SPAST: variants seen among roughly 807,000 people sequenced by gnomAD.
SPAST encodes the protein spastic paraplegia 4 (autosomal dominant; spastin).
In SPAST, 30 loss-of-function variants were observed where a neutral mutation model predicts 76.6. The ratio of observed to expected loss-of-function variants is 0.39; its 90% CI spans 0.29 to 0.53. SPAST has a LOEUF of 0.53. SPAST is among the 20% of genes least tolerant of loss of function. The pLI is 0.68. For synonymous variants in SPAST, 305 were observed against 281.0 expected (o/e 1.09, Z -0.86); for missense variants, 717 against 770.5 (o/e 0.93, Z 0.82).
chr2:32,122,177 G>A (rs576420356), intron 7 of SPAST, among the ~76,000 whole-genome samples: 14 of 151,948 alleles, frequency 9.2e-5, no homozygotes, highest in Non-Finnish European at 1.6e-4. Context: ...TTTTTTCTGG[G>A]GTTATTTGGC....
intron 1 of SPAST, 22 bp from the exon 2 acceptor site, chr2:32,087,470 C>A: frequency 1.4e-6 from 2 of 1,455,486 alleles, no homozygotes; most frequent in Non-Finnish European, 1.9e-6. Context: ...ACGATCTATA[C>A]AAATAATTTT....
At chr2:32,099,327 A>G (rs1678033655) in intron 4 of SPAST, among the ~76,000 whole-genome samples, 1 of 152,174 alleles carries the variant, frequency 6.6e-6, no homozygotes, top group South Asian at 2.1e-4. Flanking sequence ...GTCTTATAGT[A>G]CTTGATAGAA....
intron 9 of SPAST, among the ~76,000 whole-genome samples, 153 bp from the exon 10 acceptor site, chr2:32,136,410 G>A (rs572877778): frequency 7.8e-6 from 1 of 128,770 alleles, no homozygotes; most frequent in African/African-American, 2.9e-5. Flanking sequence ...TGTAAGGGAC[G>A]GTTAGTAGTA....
chr2:32,070,111 G>A lies in SPAST; in HGVS notation c.415+5865G>A, dbSNP rs1282941880. On this transcript the variant is annotated intron_variant, in intron 1 of 16. Transcript: ENST00000315285. ...AATGGAGTCTTGCTCTGTCACCCAC[G>A]CTGGAGTGCAGTGGCGCAATCTCGG... is the stretch of plus-strand genomic sequence containing the variant. Among the ~76,000 whole-genome samples, 4 of 145,418 alleles carry A rather than the reference G, an allele frequency of 2.8e-5. No homozygotes were observed. In the East Asian group the frequency reaches 6.0e-4, roughly 22 times the overall value.
intron 3 of SPAST, among the ~76,000 whole-genome samples, chr2:32,092,510 G>C (rs1677762145): frequency 6.6e-6 from 1 of 152,126 alleles, no homozygotes. Context: ...ATATCAATTA[G>C]AGACTCATCT....
intron 9 of SPAST, among the ~76,000 whole-genome samples, chr2:32,135,994 C>T (rs1035155616): frequency 2.6e-5 from 4 of 151,028 alleles, no homozygotes; most frequent in Admixed American, 6.6e-5. Context: ...ATGAGAATCA[C>T]TTGAACCCAG....
intron 7 of SPAST, among the ~76,000 whole-genome samples, chr2:32,123,129 G>A (rs1679071956): frequency 1.3e-5 from 2 of 152,044 alleles, no homozygotes; most frequent in South Asian, 4.1e-4. Context: ...GGGCATGGTG[G>A]CGGGTGCCTG....
At chr2:32,142,595 T>C (rs1162677789) in intron 13 of SPAST, among the ~76,000 whole-genome samples, 2 of 152,022 alleles carry the variant, frequency 1.3e-5, no homozygotes, top group South Asian at 2.1e-4. Flanking sequence ...TTTGTGTTTT[T>C]AGTAGAGACG....
At chr2:32,112,462 C>T (rs1558321853) in intron 4 of SPAST, among the ~76,000 whole-genome samples, 1 of 151,720 alleles carries the variant, frequency 6.6e-6, no homozygotes, top group African/African-American at 2.4e-5. Flanking sequence ...ATTCTCCTGC[C>T]TCAGCCTCCT....
Position 32,156,460 on chromosome 2 carries a change from A to G in SPAST, c.*1964A>G, listed in dbSNP as rs1680255578. ...ATGAGAGTTGAGATAAATAGGGGAA[A>G]AAAAATTTTTTTCAAGCCAGAGCTA... On this transcript the variant is annotated 3_prime_UTR_variant, in exon 17 of 17. Transcript: ENST00000315285. 2 of 152,228 alleles carry G rather than the reference A, an allele frequency of 1.3e-5. No homozygotes were observed. Among genetic ancestry groups the G allele is most frequent in the Non-Finnish European group, 2.9e-5 (2 of 68,042 alleles). The allele number at this position is 152,228 out of a possible 1,614,324, so 9.4% of individuals were successfully genotyped here. A position where few individuals can be genotyped will look rare whatever the true frequency, so the allele number is the denominator to read the frequency against.
chr2:32,131,348 A>G (rs1392305389), intron 9 of SPAST, among the ~76,000 whole-genome samples: 1 of 152,142 alleles, frequency 6.6e-6, no homozygotes, highest in African/African-American at 2.4e-5. Context: ...TGGAGTTGCA[A>G]TTCATATTCA....
At chr2:32,085,205 CTTTTTTTT>C (rs11399879) in intron 1 of SPAST, among the ~76,000 whole-genome samples, 4 of 119,786 alleles carry the variant, frequency 3.3e-5, no homozygotes, top group Non-Finnish European at 6.8e-5. Context: ...TCTTCTTCTT[CTTTTTTTT>C]TTTTTTTTTT....
At chr2:32,108,310 T>C (rs1254965103) in intron 4 of SPAST, among the ~76,000 whole-genome samples, 1 of 152,166 alleles carries the variant, frequency 6.6e-6, no homozygotes, top group Admixed American at 6.5e-5. Flanking sequence ...TTCAGTGACT[T>C]TGAATGCAGG....
intron 1 of SPAST, among the ~76,000 whole-genome samples, chr2:32,082,181 T>C (rs1279904482): frequency 1.3e-5 from 2 of 150,782 alleles, no homozygotes; most frequent in Non-Finnish European, 3.0e-5. Context: ...TTAGTAGAGA[T>C]TGGGTTTCAT....
intron 1 of SPAST, among the ~76,000 whole-genome samples, chr2:32,082,611 G>A (rs58505717): frequency 6.6e-6 from 1 of 152,054 alleles, no homozygotes; most frequent in Non-Finnish European, 1.5e-5. Flanking sequence ...CAGAAGAATT[G>A]CTTGAACCTG....
chr2:32,087,618 A>G (rs376758740), intron 2 of SPAST, 40 bp downstream of exon 2: 114 of 943,904 alleles, frequency 1.2e-4, no homozygotes, highest in Non-Finnish European at 1.3e-4. Flanking sequence ...AAATTATGAT[A>G]TATTCACATG....
Position 32,064,214 on chromosome 2 carries a change from C to T in SPAST, c.383C>T (p.Ser128Phe). The change falls in exon 1 of 17, where the codon TCC (serine) becomes TTC (phenylalanine). Residue 128 changes from serine (S) to phenylalanine (F), a missense_variant. Coordinates refer to ENST00000315285, the MANE Select transcript of SPAST (RefSeq NM_014946.4). ...VFHKQAFEYI[S>F]IALRIDEDEK... ...CACAAACAGGCCTTCGAGTACATCT[C>T]CATTGCCCTGCGCATCGATGAGGAT... The T allele has an allele frequency of 1.3e-6, 2 of 1,552,560 alleles. No homozygotes were observed. Among genetic ancestry groups the T allele is most frequent in the Non-Finnish European group, 8.7e-7 (1 of 1,148,928 alleles).
At chr2:32,152,303 CA>C (rs957477151) in intron 16 of SPAST, among the ~76,000 whole-genome samples, 1 of 152,158 alleles carries the variant, frequency 6.6e-6, no homozygotes, top group African/African-American at 2.4e-5. Context: ...CGTGGTTGTT[CA>C]TGCCTATAAT....
chr2:32,091,570 C>T (rs1167431817), intron 3 of SPAST, among the ~76,000 whole-genome samples: 5 of 149,352 alleles, frequency 3.3e-5, no homozygotes, highest in South Asian at 4.3e-4. Context: ...CGGTGGCTAA[C>T]GCCTGTAATC....
Sources: gnomAD v4.1 joint callset for allele counts (sites outside exome capture counted in the v4.1 genomes callset) on GRCh38, gnomAD v4.1.1 for gene constraint, MANE v1.5 for transcripts, NCBI Gene and HGNC (gene_info 2026-07-23, HGNC 2026-07-21) for gene names.